The following CACNG3 variants were observed in gnomAD, a reference collection of about 807,000 sequenced individuals.
CACNG3 encodes voltage-dependent calcium channel gamma-3 subunit.
A neutral mutation model predicts 28.5 loss-of-function variants in CACNG3; 3 were observed. That is an observed-to-expected ratio of 0.11 (90% confidence interval 0.05 to 0.27). CACNG3 has a LOEUF of 0.27. Among genes scored for constraint, CACNG3 ranks in the 10% least tolerant of loss-of-function variants. The pLI is 1.00. For synonymous variants in CACNG3, 174 were observed against 162.2 expected, an observed-to-expected ratio of 1.07 and a Z score of -0.55; for missense variants, 236 against 414.4, an observed-to-expected ratio of 0.57 and a Z score of 3.74.
intron 1 of CACNG3, among the ~76,000 whole-genome samples, chr16:24,304,307 G>A (rs193201861): frequency 2.6e-5 from 4 of 152,218 alleles, no homozygotes; most frequent in Non-Finnish European, 5.9e-5. Context: ...TTTTAATTAT[G>A]CATAGGAAAG....
At chr16:24,348,372 A>C (rs1232643855) in intron 2 of CACNG3, among the ~76,000 whole-genome samples, 2 of 152,076 alleles carry the variant, frequency 1.3e-5, no homozygotes, top group African/African-American at 4.8e-5. Flanking sequence ...GTGCCATTGC[A>C]TTGATTGTGC....
intron 1 of CACNG3, among the ~76,000 whole-genome samples, chr16:24,264,272 A>C (rs1424417395): frequency 6.6e-6 from 1 of 152,248 alleles, no homozygotes; most frequent in African/African-American, 2.4e-5. Flanking sequence ...CCGCTCACCA[A>C]ACCATGCACC....
At chr16:24,341,798 C>A (rs1260704523) in intron 1 of CACNG3, among the ~76,000 whole-genome samples, 2 of 152,224 alleles carry the variant, frequency 1.3e-5, no homozygotes, top group East Asian at 3.9e-4. Context: ...GAATATAGAG[C>A]CAGGTGGGGA....
At chr16:24,322,582 G>T (rs1215627562) in intron 1 of CACNG3, among the ~76,000 whole-genome samples, 1 of 151,958 alleles carries the variant, frequency 6.6e-6, no homozygotes, top group Non-Finnish European at 1.5e-5. Flanking sequence ...ACAAGAAAAT[G>T]GAGCCAAAAA....
intron 1 of CACNG3, among the ~76,000 whole-genome samples, chr16:24,342,915 C>T (rs368948829): frequency 9.9e-5 from 15 of 152,040 alleles, no homozygotes; most frequent in East Asian, 9.7e-4. Flanking sequence ...GCAGGCCAGG[C>T]GCAGTGGCTC....
chr16:24,267,282 A>G (rs546289211), intron 1 of CACNG3, among the ~76,000 whole-genome samples: 9 of 151,792 alleles, frequency 5.9e-5, no homozygotes, highest in East Asian at 5.8e-4. Context: ...TAATTTCTTA[A>G]TTTTTACTTT....
intron 1 of CACNG3, among the ~76,000 whole-genome samples, chr16:24,302,641 TTTTG>T: frequency 1.7e-5 from 1 of 58,358 alleles, no homozygotes; most frequent in Admixed American, 1.7e-4. Context: ...TTTGTTTTTG[TTTTG>T]TTTTGTTTTG....
intron 1 of CACNG3, among the ~76,000 whole-genome samples, chr16:24,316,702 T>C (rs1043593531): frequency 6.6e-6 from 1 of 152,216 alleles, no homozygotes; most frequent in African/African-American, 2.4e-5. Flanking sequence ...AGACCCAGGC[T>C]GACCCAGGCT....
Position 24,361,589 on chromosome 16 carries a change from C to A in CACNG3, c.674C>A (p.Pro225Gln), listed in dbSNP as rs1900102054. The change falls in exon 4 of 4, where the codon CCA (proline) becomes CAA (glutamine). Residue 225 changes from proline (P) to glutamine (Q), a missense_variant. This residue lies in a region of CACNG3 where 116 missense variants were observed against 151.0 expected (regional missense o/e 0.77). Coordinates refer to ENST00000005284, the MANE Select transcript of CACNG3 (RefSeq NM_006539.4). The surrounding 1 kb of genome is among the most constrained non-coding windows in gnomAD (Gnocchi z 6.8). The part of the protein sequence containing the change: ...FLKKSTFARL[P>Q]PYRYRFRRRS... ...AAGAAATCTACTTTTGCCCGCCTCCCACCCTACAGGTATCGATTCCGGAGG... is the reference window on the plus strand; with the variant it reads ...AAGAAATCTACTTTTGCCCGCCTCCAACCCTACAGGTATCGATTCCGGAGG... 1 of 1,613,890 alleles carries A rather than the reference C, an allele frequency of 6.2e-7. No homozygotes were observed. Among genetic ancestry groups the A allele is most frequent in the African/African-American group, 1.3e-5 (1 of 74,880 alleles).
At chr16:24,358,674 C>T (rs888278381) in intron 3 of CACNG3, among the ~76,000 whole-genome samples, 7 of 152,170 alleles carry the variant, frequency 4.6e-5, no homozygotes, top group Non-Finnish European at 1.0e-4. Context: ...AAGCAATTGC[C>T]TACTCAGATC....
chr16:24,257,788 G>A (rs139239048), intron 1 of CACNG3, among the ~76,000 whole-genome samples: 1 of 152,174 alleles, frequency 6.6e-6, no homozygotes, highest in African/African-American at 2.4e-5. Flanking sequence ...CTAAAAATTA[G>A]GGAGTAGTTA....
intron 1 of CACNG3, among the ~76,000 whole-genome samples, chr16:24,306,103 T>G (rs1043310997): frequency 6.6e-6 from 1 of 152,186 alleles, no homozygotes; most frequent in Admixed American, 6.5e-5. Context: ...AGCCACCAGG[T>G]GAACTTTCTT....
intron 1 of CACNG3, among the ~76,000 whole-genome samples, chr16:24,287,424 A>G (rs1898908593): frequency 6.7e-6 from 1 of 150,304 alleles, no homozygotes; most frequent in African/African-American, 2.4e-5. Context: ...AGGCTGAGGC[A>G]TGAGAATCAC....
intron 1 of CACNG3, among the ~76,000 whole-genome samples, chr16:24,342,799 C>T (rs1433883284): frequency 2.0e-5 from 3 of 151,958 alleles, no homozygotes; most frequent in Non-Finnish European, 4.4e-5. Flanking sequence ...AATATTCTTT[C>T]GATTTTTTTT....
intron 1 of CACNG3, among the ~76,000 whole-genome samples, chr16:24,329,631 T>C (rs1442730443): frequency 6.6e-6 from 1 of 152,256 alleles, no homozygotes; most frequent in Non-Finnish European, 1.5e-5. Context: ...CATTACCTTT[T>C]TTAATGAAGA....
intron 1 of CACNG3, among the ~76,000 whole-genome samples, chr16:24,296,766 C>G (rs1459367198): frequency 6.6e-6 from 1 of 152,150 alleles, no homozygotes; most frequent in Non-Finnish European, 1.5e-5. Context: ...CTGCTTGATG[C>G]CTGTGTGTTA....
At chr16:24,303,148 C>T (rs1000691429) in intron 1 of CACNG3, among the ~76,000 whole-genome samples, 1 of 152,048 alleles carries the variant, frequency 6.6e-6, no homozygotes, top group African/African-American at 2.4e-5. Flanking sequence ...GGCCTAAAAA[C>T]AACTGCTTTG....
chr16:24,289,675 C>T (rs952596144), intron 1 of CACNG3, among the ~76,000 whole-genome samples: 4 of 152,162 alleles, frequency 2.6e-5, no homozygotes, highest in African/African-American at 9.7e-5. Context: ...GAAGGTACCC[C>T]ATTTGCCTTC....
Position 24,346,731 on chromosome 16 carries a change from C to T in CACNG3, c.212-3C>T, listed in dbSNP as rs771900152. 3 of 1,612,938 alleles carry T rather than the reference C, an allele frequency of 1.9e-6. No individual in the cohort carries two copies. The Admixed American group carries it at 5.0e-5, about 27-fold the overall frequency. ...GGCTCAGAACCCTTATCTGTTTCCA[C>T]AGGGGCTTTCCGAGGCGTGTGCAAG... On this transcript the variant is annotated splice_region_variant and splice_polypyrimidine_tract_variant and intron_variant, in intron 1 of 3. Transcript: ENST00000005284.
Sources: allele counts gnomAD v4.1 joint callset (sites outside exome capture counted in the v4.1 genomes callset), GRCh38; gene constraint gnomAD v4.1.1; regional missense constraint gnomAD v4.1.1; non-coding constraint Gnocchi (gnomAD v3.1); transcripts MANE v1.5; gene names NCBI Gene and HGNC (gene_info 2026-07-23, HGNC 2026-07-21).